DOK6: variants seen among roughly 807,000 people sequenced by gnomAD.
DOK6 encodes the protein docking protein 6.
Under a neutral mutation model 44.0 loss-of-function variants are expected in DOK6, and 22 were observed. The observed-to-expected ratio is 0.50, with a 90% CI of 0.36 to 0.71. The LOEUF is 0.71. Ranked by LOEUF, DOK6 falls within the 30% of genes least tolerant of loss-of-function variation. The pLI is 0.00. For synonymous variants in DOK6, 166 were observed against 145.5 expected (o/e 1.14, Z -1.01); for missense variants, 340 against 416.4 (o/e 0.82, Z 1.60).
intron 3 of DOK6, among the ~76,000 whole-genome samples, chr18:69,602,210 A>G (rs554020633): frequency 3.9e-4 from 60 of 152,290 alleles, no homozygotes; most frequent in African/African-American, 1.2e-3. Flanking sequence ...ACTGACAGAC[A>G]CTGCCTCAGC....
At chr18:69,714,939 G>A (rs4497795) in intron 5 of DOK6, among the ~76,000 whole-genome samples, 119,121 of 152,120 alleles carry the variant, frequency 0.78, 46,869 homozygotes, top group East Asian at 0.98. Flanking sequence ...AAATCATACC[G>A]TAGAAAATTA....
At chr18:69,704,669 C>T (rs762830399) in intron 5 of DOK6, among the ~76,000 whole-genome samples, 5 of 152,018 alleles carry the variant, frequency 3.3e-5, no homozygotes, top group South Asian at 4.2e-4. Flanking sequence ...TTACTAGAGA[C>T]GGGGTTTCAC....
At chr18:69,416,225 G>C (rs1026563292) in intron 1 of DOK6, among the ~76,000 whole-genome samples, 3 of 150,222 alleles carry the variant, frequency 2.0e-5, no homozygotes, top group African/African-American at 4.9e-5. Flanking sequence ...AAGGAAGGAA[G>C]GAAGGAAACA....
chr18:69,604,570 A>G (rs1290645891), intron 3 of DOK6, among the ~76,000 whole-genome samples: 2 of 152,318 alleles, frequency 1.3e-5, no homozygotes, highest in South Asian at 2.1e-4. Flanking sequence ...CTTTTTATGT[A>G]TAGATCTAAG....
intron 4 of DOK6, among the ~76,000 whole-genome samples, chr18:69,689,531 T>C (rs930135414): frequency 2.0e-5 from 3 of 152,202 alleles, no homozygotes; most frequent in African/African-American, 7.2e-5. Context: ...ACACTTATAA[T>C]GACTCGCTCT....
chr18:69,762,872 T>C (rs906723357), intron 7 of DOK6, among the ~76,000 whole-genome samples: 7 of 152,236 alleles, frequency 4.6e-5, no homozygotes, highest in Admixed American at 2.6e-4. Flanking sequence ...AGATCCTGCA[T>C]CTACCTTCAT....
At chr18:69,744,736 C>T (rs1978923511) in intron 6 of DOK6, among the ~76,000 whole-genome samples, 1 of 151,900 alleles carries the variant, frequency 6.6e-6, no homozygotes, top group African/African-American at 2.4e-5. Flanking sequence ...ACCAGCCTGG[C>T]CAACATGGTG....
intron 1 of DOK6, among the ~76,000 whole-genome samples, chr18:69,490,543 G>T (rs1055487252): frequency 6.6e-6 from 1 of 151,946 alleles, no homozygotes; most frequent in African/African-American, 2.4e-5. Context: ...ATGCCTGTTA[G>T]CATATACTTA....
chr18:69,713,097 T>C (rs1389891940), intron 5 of DOK6, among the ~76,000 whole-genome samples: 1 of 152,174 alleles, frequency 6.6e-6, no homozygotes, highest in Admixed American at 6.5e-5. Context: ...GAGTTTCTAT[T>C]ATTTCAGAGA....
intron 3 of DOK6, among the ~76,000 whole-genome samples, chr18:69,632,019 T>C (rs1462071498): frequency 6.6e-6 from 1 of 152,246 alleles, no homozygotes; most frequent in Non-Finnish European, 1.5e-5. Context: ...TACATGACTA[T>C]TGAATAAATG....
chr18:69,765,335 C>T (rs960400222), intron 7 of DOK6, among the ~76,000 whole-genome samples: 1 of 152,220 alleles, frequency 6.6e-6, no homozygotes. Flanking sequence ...AGAAGCAACA[C>T]TTCTGTCTAT....
chr18:69,621,656 A>G (rs9949417), intron 3 of DOK6, among the ~76,000 whole-genome samples: 22,856 of 152,088 alleles, frequency 0.15, 1,945 homozygotes, highest in East Asian at 0.41. Flanking sequence ...GGTGATCTTG[A>G]TGGAGTTAAA....
intron 3 of DOK6, among the ~76,000 whole-genome samples, chr18:69,654,467 G>A: frequency 6.6e-6 from 1 of 152,150 alleles, no homozygotes; most frequent in East Asian, 1.9e-4. Context: ...TAGGGCTCTG[G>A]ACTTGAATTT....
chr18:69,739,412 T>C (rs1428474944), intron 6 of DOK6, among the ~76,000 whole-genome samples: 2 of 152,158 alleles, frequency 1.3e-5, no homozygotes, highest in Non-Finnish European at 2.9e-5. Context: ...CCACATACAG[T>C]TGGACAATCA....
intron 1 of DOK6, among the ~76,000 whole-genome samples, chr18:69,460,560 A>G (rs989155583): frequency 6.6e-6 from 1 of 152,204 alleles, no homozygotes; most frequent in Admixed American, 6.5e-5. Flanking sequence ...CCGTATCTAT[A>G]TAACATCCCA....
At chr18:69,473,204 G>C (rs888319287) in intron 1 of DOK6, among the ~76,000 whole-genome samples, 4 of 152,034 alleles carry the variant, frequency 2.6e-5, no homozygotes, top group Admixed American at 6.5e-5. Flanking sequence ...GTAAAATATA[G>C]GAATACTGTT....
intron 5 of DOK6, among the ~76,000 whole-genome samples, chr18:69,715,728 A>G (rs1235623971): frequency 6.6e-6 from 1 of 152,244 alleles, no homozygotes; most frequent in African/African-American, 2.4e-5. Context: ...AGATTGTATT[A>G]GAAACCAGTC....
chr18:69,404,668 C>T (rs1916165412), intron 1 of DOK6, among the ~76,000 whole-genome samples: 1 of 152,034 alleles, frequency 6.6e-6, no homozygotes, highest in Non-Finnish European at 1.5e-5. Flanking sequence ...TATTCACAGA[C>T]ACATTGTATG....
chr18:69,840,646 G>A (rs1324524227), intron 7 of DOK6, among the ~76,000 whole-genome samples: 1 of 152,212 alleles, frequency 6.6e-6, no homozygotes, highest in African/African-American at 2.4e-5. Flanking sequence ...TAGCCATCGA[G>A]CTTAATTGTT....
Sources: allele counts gnomAD v4.1 joint callset (sites outside exome capture counted in the v4.1 genomes callset), GRCh38; gene constraint gnomAD v4.1.1; transcripts MANE v1.5; gene names NCBI Gene and HGNC (gene_info 2026-07-23, HGNC 2026-07-21).